SRGAP1: variants seen among roughly 807,000 people sequenced by gnomAD.
The protein encoded by SRGAP1 is SLIT-ROBO Rho GTPase-activating protein 1.
Under a neutral mutation model 121.9 loss-of-function variants are expected in SRGAP1, and 43 were observed. The observed-to-expected ratio is 0.35, with a 90% CI of 0.28 to 0.46. SRGAP1 has a LOEUF of 0.46. Among genes scored for constraint, SRGAP1 ranks in the 20% least tolerant of loss-of-function variants. The probability of loss-of-function intolerance (pLI) is 1.00; values close to 1 mark genes in which losing one functional copy is unlikely to be tolerated. For missense variants in SRGAP1, 1,102 were observed against 1,350.9 expected, an observed-to-expected ratio of 0.82 and a Z score of 2.89; for synonymous variants, 447 against 485.4, an observed-to-expected ratio of 0.92 and a Z score of 1.04.
chr12:63,993,040 G>T (rs2033597455), intron 3 of SRGAP1, among the ~76,000 whole-genome samples: 1 of 152,146 alleles, frequency 6.6e-6, no homozygotes, highest in Admixed American at 6.6e-5. Flanking sequence ...GCTGGAAGAG[G>T]AAAGAACAAG....
At chr12:64,016,870 T>C (rs2034416908) in intron 3 of SRGAP1, 80 bp from the exon 4 acceptor site, 3 of 763,842 alleles carry the variant, frequency 3.9e-6, no homozygotes, top group Non-Finnish European at 6.2e-6. Flanking sequence ...TCGTGTTAGA[T>C]ACATTCCTCT....
chr12:63,864,584 T>G (rs960978635), intron 1 of SRGAP1, among the ~76,000 whole-genome samples: 1 of 152,226 alleles, frequency 6.6e-6, no homozygotes, highest in Non-Finnish European at 1.5e-5. Context: ...AGTACCCATT[T>G]CAGAGCATTG....
In SRGAP1 at chr12:64,144,388, G is replaced by A. The variant is rs1260879638; in HGVS notation, c.*1716G>A. The A allele has an allele frequency of 6.6e-6, 1 of 151,282 alleles. No homozygotes were observed. The highest frequency in any genetic ancestry group is 1.5e-5 in the Non-Finnish European group (1 of 67,766). The allele number at this position is 151,282 out of a possible 1,614,324, so 9.4% of individuals were successfully genotyped here. On this transcript the variant is annotated 3_prime_UTR_variant, in exon 22 of 22. Transcript: ENST00000355086. ...GTAGATTTTACTTCATCAGCCCATT[G>A]GTGAATGCATCGTGCAGAAAAGAAC... is the stretch of plus-strand genomic sequence containing the variant.
intron 4 of SRGAP1, among the ~76,000 whole-genome samples, chr12:64,029,399 C>T (rs1441334175): frequency 6.6e-6 from 1 of 152,126 alleles, no homozygotes; most frequent in Non-Finnish European, 1.5e-5. Flanking sequence ...ATATGTAAGT[C>T]CTGAGCATGG....
intron 5 of SRGAP1, 35 bp from the exon 6 acceptor site, chr12:64,043,412 A>C: frequency 6.3e-7 from 1 of 1,591,340 alleles, no homozygotes; most frequent in Non-Finnish European, 8.5e-7. Flanking sequence ...ATGACTTTGC[A>C]TTCTTTCCCA....
At chr12:64,093,539 C>T (rs2036094927) in intron 12 of SRGAP1, among the ~76,000 whole-genome samples, 1 of 152,042 alleles carries the variant, frequency 6.6e-6, no homozygotes, top group African/African-American at 2.4e-5. Context: ...ATGTTGCTTT[C>T]AGATTAGTGT....
chr12:64,065,288 G>T, intron 8 of SRGAP1, 69 bp downstream of exon 8: 1 of 1,300,824 alleles, frequency 7.7e-7, no homozygotes, highest in South Asian at 1.3e-5. Context: ...ATTCTCACAT[G>T]ACTTGGGCAT....
intron 4 of SRGAP1, among the ~76,000 whole-genome samples, chr12:64,035,415 G>T (rs1339851181): frequency 6.6e-6 from 1 of 152,122 alleles, no homozygotes; most frequent in African/African-American, 2.4e-5. Context: ...CCCTACTGGG[G>T]AGAGATTATG....
rs1458645358 is a variant in SRGAP1, at chr12:64,095,793, TG to T, written c.1678+590del. ...TTATGTATTAATAGGGTATATATGATGTTTTAACCCAGGCATACAGTGTGTA... is the reference window on the plus strand; with the variant it reads ...TTATGTATTAATAGGGTATATATGATTTTTAACCCAGGCATACAGTGTGTA... On this transcript the variant is annotated intron_variant, in intron 14 of 21. Transcript: ENST00000355086. Among the ~76,000 whole-genome samples the T allele has an allele frequency of 2.0e-5, 3 of 152,216 alleles. No individual in the cohort carries two copies. In the East Asian group the frequency reaches 5.8e-4, roughly 29 times the overall value.
At chr12:63,996,546 G>A (rs1339735963) in intron 3 of SRGAP1, among the ~76,000 whole-genome samples, 1 of 152,022 alleles carries the variant, frequency 6.6e-6, no homozygotes, top group Non-Finnish European at 1.5e-5. Flanking sequence ...CTTTTCTGGA[G>A]TAATGATGGT....
intron 1 of SRGAP1, among the ~76,000 whole-genome samples, chr12:63,934,545 C>A (rs866432945): frequency 6.6e-5 from 10 of 152,180 alleles, no homozygotes; most frequent in African/African-American, 2.4e-4. Flanking sequence ...CACTTTGCAA[C>A]AACTCTTATA....
At chr12:63,949,394 T>TA (rs1399226173) in intron 1 of SRGAP1, among the ~76,000 whole-genome samples, 3 of 108,046 alleles carry the variant, frequency 2.8e-5, no homozygotes, top group Non-Finnish European at 5.5e-5. Flanking sequence ...ACATTTTTAT[T>TA]ATTTATTATT....
At chr12:64,085,203 G>A (rs186853761) in intron 10 of SRGAP1, among the ~76,000 whole-genome samples, 1 of 152,172 alleles carries the variant, frequency 6.6e-6, no homozygotes, top group African/African-American at 2.4e-5. Context: ...AGTCTTTTCT[G>A]TAAAATAAGG....
chr12:63,871,975 C>T, intron 1 of SRGAP1: 1 of 1,009,996 alleles, frequency 9.9e-7, no homozygotes. Flanking sequence ...GAATCCTTGC[C>T]CTTCTTATAC....
intron 3 of SRGAP1, among the ~76,000 whole-genome samples, chr12:64,015,151 G>T (rs983277390): frequency 1.3e-5 from 2 of 152,110 alleles, no homozygotes; most frequent in Non-Finnish European, 2.9e-5. Flanking sequence ...CTGAAACGTG[G>T]GTAGCTGAGC....
chr12:64,075,392 C>T (rs990229653), intron 8 of SRGAP1, among the ~76,000 whole-genome samples: 34 of 152,280 alleles, frequency 2.2e-4, no homozygotes, highest in African/African-American at 7.2e-4. Context: ...TGCCCTCTTG[C>T]GGTAAACCCA....
intron 4 of SRGAP1, chr12:64,032,530 AGAGT>A (rs2034803137): frequency 1.7e-6 from 2 of 1,208,782 alleles, no homozygotes; most frequent in South Asian, 2.5e-5. Context: ...GGGCCAGCAC[AGAGT>A]GACCCAAGGC....
At chr12:63,868,453 G>T in intron 1 of SRGAP1, among the ~76,000 whole-genome samples, 1 of 152,076 alleles carries the variant, frequency 6.6e-6, no homozygotes, top group South Asian at 2.1e-4. Flanking sequence ...TCAGCTCACT[G>T]CAGTCTTGAC....
At chr12:63,930,344 A>G (rs1273423330) in intron 1 of SRGAP1, among the ~76,000 whole-genome samples, 1 of 151,422 alleles carries the variant, frequency 6.6e-6, no homozygotes, top group Non-Finnish European at 1.5e-5. Context: ...AAAAAAAAAA[A>G]AAAAAAAAGG....
Sources: gnomAD v4.1 joint callset for allele counts (sites outside exome capture counted in the v4.1 genomes callset) on GRCh38, gnomAD v4.1.1 for gene constraint, MANE v1.5 for transcripts, NCBI Gene and HGNC (gene_info 2026-07-23, HGNC 2026-07-21) for gene names.